TRPM3: variants seen among roughly 807,000 people sequenced by gnomAD.
TRPM3 encodes long transient receptor potential channel 3.
TRPM3 carries 77 observed loss-of-function variants against 181.2 expected under a neutral mutation model. The observed-to-expected ratio is 0.42, with a 90% CI of 0.35 to 0.51. The LOEUF (loss-of-function observed/expected upper bound fraction) is 0.51, where lower values mean the gene tolerates loss of function less well. Ranked by LOEUF, TRPM3 falls within the 20% of genes least tolerant of loss-of-function variation. The pLI is 0.01. For missense variants in TRPM3, 1,759 were observed against 2,196.7 expected (o/e 0.80, Z 3.98); for synonymous variants, 745 against 796.4 (o/e 0.94, Z 1.09).
intron 1 of TRPM3, among the ~76,000 whole-genome samples, chr9:71,322,946 G>A (rs975812878): frequency 6.6e-6 from 1 of 152,086 alleles, no homozygotes; most frequent in Non-Finnish European, 1.5e-5. Context: ...TGTATTTGCT[G>A]TCAAAAGATC....
At chr9:71,134,843 T>A (rs2074665982) in intron 1 of TRPM3, among the ~76,000 whole-genome samples, 1 of 152,214 alleles carries the variant, frequency 6.6e-6, no homozygotes, top group African/African-American at 2.4e-5. Context: ...TTAAGCTCTG[T>A]GGACTTACAG....
chr9:70,599,791 T>A (rs1589110984), intron 20 of TRPM3, among the ~76,000 whole-genome samples: 1 of 152,152 alleles, frequency 6.6e-6, no homozygotes, highest in East Asian at 1.9e-4. Context: ...TTTTTTGAAG[T>A]TTTTATCACT....
chr9:70,589,253 C>T (rs182416795), intron 22 of TRPM3, among the ~76,000 whole-genome samples: 2 of 152,314 alleles, frequency 1.3e-5, no homozygotes, highest in Non-Finnish European at 2.9e-5. Context: ...AATAAATCCT[C>T]TTATTCAGCC....
At chr9:71,127,328 TGTGA>T (rs1460815505) in intron 1 of TRPM3, among the ~76,000 whole-genome samples, 2 of 66,254 alleles carry the variant, frequency 3.0e-5, no homozygotes, top group African/African-American at 1.0e-4. Context: ...CCTGAACTGA[TGTGA>T]GTAATTTACT....
chr9:70,852,700 T>C (rs897648899), intron 3 of TRPM3, among the ~76,000 whole-genome samples: 24 of 152,300 alleles, frequency 1.6e-4, no homozygotes, highest in African/African-American at 5.3e-4. Flanking sequence ...TTCCATCAGA[T>C]GTAAACTCCC....
chr9:71,331,336 C>T (rs1456434667), intron 1 of TRPM3, among the ~76,000 whole-genome samples: 1 of 151,758 alleles, frequency 6.6e-6, no homozygotes, highest in Non-Finnish European at 1.5e-5. Context: ...AAACTAGCCA[C>T]ACATTAATTT....
At chr9:70,859,412 G>A (rs1160951404) in intron 3 of TRPM3, among the ~76,000 whole-genome samples, 2 of 152,178 alleles carry the variant, frequency 1.3e-5, no homozygotes, top group Non-Finnish European at 2.9e-5. Context: ...TTTGCTCTGC[G>A]ACATGGAGAA....
intron 1 of TRPM3, among the ~76,000 whole-genome samples, chr9:71,187,944 T>C (rs1312582826): frequency 3.1e-4 from 23 of 74,670 alleles, no homozygotes; most frequent in African/African-American, 8.0e-4. Flanking sequence ...GATAGATAGA[T>C]AGATAGATCA....
chr9:71,331,891 G>GGAGAGGGAGGAGGAAGAAGAGGAGAGGGA (rs2090201528), intron 1 of TRPM3, among the ~76,000 whole-genome samples: 1 of 67,790 alleles, frequency 1.5e-5, no homozygotes, highest in Non-Finnish European at 3.0e-5. Flanking sequence ...GAGGAAGAAG[G>GGAGAGGGAGGAGGAAGAAGAGGAGAGGGA]GGAGGAAGAA....
At chr9:71,273,167 A>T (rs953746289) in intron 1 of TRPM3, among the ~76,000 whole-genome samples, 2 of 152,122 alleles carry the variant, frequency 1.3e-5, no homozygotes, top group African/African-American at 4.8e-5. Context: ...CCAGCCTATT[A>T]AAGCATTTTT....
intron 1 of TRPM3, among the ~76,000 whole-genome samples, chr9:70,950,975 G>T (rs1170736736): frequency 6.6e-6 from 1 of 151,964 alleles, no homozygotes; most frequent in African/African-American, 2.4e-5. Context: ...TGAATAGATA[G>T]AAATGTCAAG....
intron 8 of TRPM3, among the ~76,000 whole-genome samples, chr9:70,698,839 C>A (rs2071474915): frequency 6.6e-6 from 1 of 151,206 alleles, no homozygotes; most frequent in Non-Finnish European, 1.5e-5. Flanking sequence ...ATGTAAGACT[C>A]CTTCTCCCAC....
intron 1 of TRPM3, among the ~76,000 whole-genome samples, chr9:70,924,278 C>A (rs2096696470): frequency 6.6e-6 from 1 of 152,072 alleles, no homozygotes; most frequent in African/African-American, 2.4e-5. Flanking sequence ...TTCCTTGATT[C>A]CTCTTTCCTC....
At chr9:70,885,766 CT>C (rs1171670076) in intron 1 of TRPM3, among the ~76,000 whole-genome samples, 1 of 152,140 alleles carries the variant, frequency 6.6e-6, no homozygotes, top group Non-Finnish European at 1.5e-5. Context: ...TACATGTTTA[CT>C]TCTGCTTTTG....
chr9:70,657,198 TAAAAAAAA>T (rs3073513), intron 9 of TRPM3, among the ~76,000 whole-genome samples: 22,146 of 117,686 alleles, frequency 0.19, 1,807 homozygotes, highest in South Asian at 0.28. Context: ...GGGCTTGAGG[TAAAAAAAA>T]AAAAAAAAAA....
At chr9:70,883,664 T>C (rs2096035596) in intron 1 of TRPM3, among the ~76,000 whole-genome samples, 1 of 152,212 alleles carries the variant, frequency 6.6e-6, no homozygotes, top group Non-Finnish European at 1.5e-5. Context: ...GGTAGACTTA[T>C]ATGAGCCAAA....
In TRPM3 at chr9:71,023,508, G is replaced by T. The variant is rs2097862809; in HGVS notation, c.177+97670C>A. 2.6e-5 allele frequency among the ~76,000 whole-genome samples: 4 copies of T among 151,974 alleles called. 1 individual carries two copies. The South Asian group carries it at 8.3e-4, about 31-fold the overall frequency. On this transcript the variant is annotated intron_variant, in intron 1 of 25. Transcript: ENST00000677713. ...CCTTATCCTAGAGAAATGAAAATAA[G>T]TTCACCCAAAAAAACCTGTGCATGA...
At chr9:70,742,053 A>AG (rs1587684961) in intron 8 of TRPM3, among the ~76,000 whole-genome samples, 2 of 152,272 alleles carry the variant, frequency 1.3e-5, no homozygotes, top group East Asian at 3.9e-4. Context: ...AAGTTTTTTA[A>AG]TTTTTTAAAA....
intron 1 of TRPM3, among the ~76,000 whole-genome samples, chr9:71,226,649 TACAC>T (rs2080679518): frequency 1.3e-5 from 2 of 152,058 alleles, no homozygotes; most frequent in African/African-American, 4.8e-5. Flanking sequence ...TGTGTGTATA[TACAC>T]ATATATACAG....
Sources: allele counts gnomAD v4.1 joint callset (sites outside exome capture counted in the v4.1 genomes callset), GRCh38; gene constraint gnomAD v4.1.1; transcripts MANE v1.5; gene names NCBI Gene and HGNC (gene_info 2026-07-23, HGNC 2026-07-21).